The following ARHGEF10 variants were observed in gnomAD, a reference collection of about 807,000 sequenced individuals.
The protein encoded by ARHGEF10 is Rho guanine nucleotide exchange factor (GEF) 10.
In ARHGEF10, 140 loss-of-function variants were observed where a neutral mutation model predicts 147.4. That is an observed-to-expected ratio of 0.95 (90% CI 0.83 to 1.09). The LOEUF (loss-of-function observed/expected upper bound fraction) is 1.09, where lower values mean the gene tolerates loss of function less well. Among genes scored for constraint, ARHGEF10 ranks in the 50% least tolerant of loss-of-function variants. The pLI is 0.00. For missense variants in ARHGEF10, 2,222 were observed against 1,752.7 expected, an observed-to-expected ratio of 1.27 and a Z score of -4.78; for synonymous variants, 902 against 695.8, an observed-to-expected ratio of 1.30 and a Z score of -4.67.
intron 3 of ARHGEF10, chr8:1,858,685 G>C (rs938580277): frequency 6.4e-6 from 1 of 157,428 alleles, no homozygotes. Flanking sequence ...AGGTCAGGCA[G>C]TGGTGGGAGA....
rs556980356 is a variant in ARHGEF10, at chr8:1,862,055, A to C, written c.481+1871A>C. On this transcript the variant is annotated intron_variant, in intron 4 of 28. Coordinates refer to ENST00000349830, the MANE Select transcript of ARHGEF10 (RefSeq NM_014629.4). ...ATTTTAAGTCCCGGAGTAGAGGAGC[A>C]GGTGGTTCTCCGGTTGCGTTTTGAT... Among the ~76,000 whole-genome samples the C allele has an allele frequency of 5.9e-5, 9 of 152,362 alleles. No homozygotes were observed. In the East Asian group the frequency reaches 1.7e-3, roughly 29 times the overall value.
intron 10 of ARHGEF10, among the ~76,000 whole-genome samples, chr8:1,884,275 A>T (rs1297674659): frequency 6.6e-6 from 1 of 152,032 alleles, no homozygotes; most frequent in Non-Finnish European, 1.5e-5. Flanking sequence ...GGGTGCCTGT[A>T]GTCCCAGCTA....
At chr8:1,831,932 C>T (rs1803136178) in intron 1 of ARHGEF10, among the ~76,000 whole-genome samples, 1 of 152,156 alleles carries the variant, frequency 6.6e-6, no homozygotes, top group African/African-American at 2.4e-5. Context: ...GGCTCCCTTC[C>T]CGCAGCTGCC....
chr8:1,856,902 T>G (rs1002047653), intron 2 of ARHGEF10, among the ~76,000 whole-genome samples: 4 of 152,154 alleles, frequency 2.6e-5, no homozygotes, highest in East Asian at 3.8e-4. Context: ...CTCCTGGGTG[T>G]GCCGGGTGGT....
intron 2 of ARHGEF10, among the ~76,000 whole-genome samples, chr8:1,848,117 C>T (rs1030839872): frequency 1.3e-5 from 2 of 152,202 alleles, no homozygotes; most frequent in African/African-American, 4.8e-5. Context: ...ATAAATATTT[C>T]GCTAAAGAAA....
At chr8:1,885,047 G>A (rs1563228410) in intron 10 of ARHGEF10, among the ~76,000 whole-genome samples, 1 of 152,178 alleles carries the variant, frequency 6.6e-6, no homozygotes, top group African/African-American at 2.4e-5. Flanking sequence ...TTAGGGGAGT[G>A]AGCCACCCCA....
In ARHGEF10 at chr8:1,851,953, C is replaced by G. The variant is rs191291851; in HGVS notation, c.38-6007C>G. 3.1e-3 allele frequency among the ~76,000 whole-genome samples: 464 copies of G among 151,946 alleles called. 1 individual carries two copies. The highest frequency in any genetic ancestry group is 0.01 in the African/African-American group (432 of 41,436). ...TTAATAACCAAATGGAAATGAATCTCTGCTGCAGACCATATGAAGACAGAC... is the reference window on the plus strand; with the variant it reads ...TTAATAACCAAATGGAAATGAATCTGTGCTGCAGACCATATGAAGACAGAC... On this transcript the variant is annotated intron_variant, in intron 2 of 28. Coordinates refer to ENST00000349830, the MANE Select transcript of ARHGEF10 (RefSeq NM_014629.4).
At chr8:1,849,979 T>C (rs796375491) in intron 2 of ARHGEF10, among the ~76,000 whole-genome samples, 20 of 48,816 alleles carry the variant, frequency 4.1e-4, no homozygotes, top group Non-Finnish European at 5.5e-4. Flanking sequence ...GTGGGCCGGC[T>C]GCATGGACAC....
At chr8:1,929,837 G>A (rs1009521116) in intron 25 of ARHGEF10, among the ~76,000 whole-genome samples, 1 of 151,814 alleles carries the variant, frequency 6.6e-6, no homozygotes, top group African/African-American at 2.4e-5. Flanking sequence ...CTGTGCCCTC[G>A]GTCCCGTGCC....
At chr8:1,879,683 G>A (rs1217000037) in intron 8 of ARHGEF10, among the ~76,000 whole-genome samples, 1 of 151,910 alleles carries the variant, frequency 6.6e-6, no homozygotes, top group Non-Finnish European at 1.5e-5. Flanking sequence ...CTCCTAAGTA[G>A]CTAGGATCAC....
At chr8:1,868,154 A>G (rs573550703) in intron 6 of ARHGEF10, among the ~76,000 whole-genome samples, 3 of 152,338 alleles carry the variant, frequency 2.0e-5, no homozygotes, top group African/African-American at 4.8e-5. Flanking sequence ...GCAGATAGTA[A>G]ATGCTATTAA....
intron 2 of ARHGEF10, among the ~76,000 whole-genome samples, chr8:1,843,974 C>T (rs917284082): frequency 6.6e-6 from 1 of 152,246 alleles, no homozygotes; most frequent in African/African-American, 2.4e-5. Flanking sequence ...GCCAAAAAGA[C>T]TATGCCAGGG....
At chr8:1,858,363 T>C (rs943660428) in intron 3 of ARHGEF10, among the ~76,000 whole-genome samples, 8 of 152,126 alleles carry the variant, frequency 5.3e-5, no homozygotes, top group African/African-American at 1.9e-4. Flanking sequence ...AATTGGAACA[T>C]TGTAGGGAAA....
chr8:1,869,421 T>G lies in ARHGEF10; in HGVS notation c.679+171T>G, dbSNP rs534572516. 7 of 714,550 alleles carry G rather than the reference T, an allele frequency of 9.8e-6. No homozygotes were observed. In the Admixed American group the frequency reaches 1.2e-4, roughly 12 times the overall value. The allele number at this position is 714,550 out of a possible 1,614,324, so 44.3% of individuals were successfully genotyped here. A position where few individuals can be genotyped will look rare whatever the true frequency, so the allele number is the denominator to read the frequency against. On this transcript the variant is annotated intron_variant, in intron 7 of 28. Coordinates refer to ENST00000349830, the MANE Select transcript of ARHGEF10 (RefSeq NM_014629.4). Reference sequence around the variant, plus strand: ...GGTGGAATATTGGTGTTTGTGCACATATGTGTGTGTGCTTATAACCCTTGA... The same window carrying G: ...GGTGGAATATTGGTGTTTGTGCACAGATGTGTGTGTGCTTATAACCCTTGA...
chr8:1,825,986 A>C, intron 1 of ARHGEF10: 1 of 751,086 alleles, frequency 1.3e-6, no homozygotes, highest in African/African-American at 1.8e-5. Context: ...AGAGATGATT[A>C]CTGAGGTTTA....
At chr8:1,856,434 C>G (rs765124906) in intron 2 of ARHGEF10, among the ~76,000 whole-genome samples, 3 of 152,134 alleles carry the variant, frequency 2.0e-5, no homozygotes, top group African/African-American at 7.2e-5. Context: ...TTGTGGTGAC[C>G]TAAAAATCTG....
chr8:1,934,544 T>A (rs989653241), intron 26 of ARHGEF10, among the ~76,000 whole-genome samples: 2 of 152,164 alleles, frequency 1.3e-5, no homozygotes, highest in Non-Finnish European at 2.9e-5. Flanking sequence ...CCTCCAGGAC[T>A]TAGGGAAAAT....
intron 15 of ARHGEF10, among the ~76,000 whole-genome samples, chr8:1,898,922 A>T (rs1810239244): frequency 6.6e-6 from 1 of 152,212 alleles, no homozygotes; most frequent in Non-Finnish European, 1.5e-5. Context: ...ATGAAAAATG[A>T]TTCTCGCCTC....
intron 7 of ARHGEF10, among the ~76,000 whole-genome samples, chr8:1,872,497 C>T (rs1807212970): frequency 6.6e-6 from 1 of 152,158 alleles, no homozygotes; most frequent in Non-Finnish European, 1.5e-5. Context: ...GAAGTTGAAT[C>T]CAGCATGACC....
Sources: allele counts gnomAD v4.1 joint callset (sites outside exome capture counted in the v4.1 genomes callset), GRCh38; gene constraint gnomAD v4.1.1; transcripts MANE v1.5; gene names NCBI Gene and HGNC (gene_info 2026-07-23, HGNC 2026-07-21).